The following C11orf65 variants were observed in gnomAD, a reference collection of about 807,000 sequenced individuals.
C11orf65 encodes protein MFI.
Under a neutral mutation model 35.3 loss-of-function variants are expected in C11orf65, and 38 were observed. That is an observed-to-expected ratio of 1.08 (90% CI 0.83 to 1.41). The LOEUF (loss-of-function observed/expected upper bound fraction) is 1.41. C11orf65 is among the 40% of genes most tolerant of loss of function. The pLI, the probability that C11orf65 is intolerant of heterozygous loss-of-function variation, is 0.00. For synonymous variants in C11orf65, 105 were observed against 114.4 expected, an observed-to-expected ratio of 0.92 and a Z score of 0.53; for missense variants, 370 against 367.1, an observed-to-expected ratio of 1.01 and a Z score of -0.06.
intron 6 of C11orf65, among the ~76,000 whole-genome samples, chr11:108,314,395 T>TG (rs1253412128): frequency 3.9e-5 from 6 of 152,148 alleles, no homozygotes; most frequent in Non-Finnish European, 8.8e-5. Flanking sequence ...TGTGAGCCAC[T>TG]GCACCCAGCC....
chr11:108,379,443 A>C (rs1317651176), downstream of C11orf65, among the ~76,000 whole-genome samples: 1 of 132,636 alleles, frequency 7.5e-6, no homozygotes, highest in Non-Finnish European at 1.6e-5. Context: ...ACATGGACAC[A>C]GGAAGGGGAA....
intron 2 of C11orf65, among the ~76,000 whole-genome samples, chr11:108,451,268 A>T (rs1217644525): frequency 6.6e-6 from 1 of 152,000 alleles, no homozygotes; most frequent in African/African-American, 2.4e-5. Context: ...CCATCATCTC[A>T]GCCCAAAATC....
intron 2 of C11orf65, chr11:108,355,947 G>T (rs1181462780): frequency 1.3e-5 from 2 of 152,192 alleles, no homozygotes; most frequent in Non-Finnish European, 1.5e-5. Flanking sequence ...TGGTAATACA[G>T]ATTTTGCTAC....
At position 108,395,492 on chromosome 11, in the gene C11orf65, T is replaced by A. The variant is rs143131635; in HGVS notation, c.561-2114A>T. ...GCCCACCACGCCCAGCTAATTTTTG[T>A]ATTTTTAGTAGAGATGAGGTTTCAC... is the stretch of plus-strand genomic sequence containing the variant. On this transcript the variant is annotated intron_variant, in intron 6 of 8. Coordinates refer to ENST00000393084, the MANE Select transcript of C11orf65 (RefSeq NM_152587.5). 6.8e-3 allele frequency among the ~76,000 whole-genome samples: 1,027 copies of A among 151,692 alleles called. 15 individuals are homozygous for A. The highest frequency in any genetic ancestry group is 0.023 in the African/African-American group (951 of 41,308).
intron 2 of C11orf65, among the ~76,000 whole-genome samples, chr11:108,342,680 TGTTTATA>T (rs1157758916): frequency 6.6e-6 from 1 of 152,236 alleles, no homozygotes; most frequent in African/African-American, 2.4e-5. Flanking sequence ...ACTTTATGTA[TGTTTATA>T]ATATAATTTT....
rs1060501629 is a variant in C11orf65, at chr11:108,319,990, G to T, written c.641-10919C>A. On this transcript the variant is annotated intron_variant, in intron 6 of 6. Transcript: ENST00000525729. Reference sequence around the variant, plus strand: ...AAGGAACCAGTTACCATGAATCATTGTACAATGCTCTACAATCTCTAAGAG... The same window carrying T: ...AAGGAACCAGTTACCATGAATCATTTTACAATGCTCTACAATCTCTAAGAG... 1.2e-6 allele frequency: 2 copies of T among 1,612,800 alleles called. No individual in the cohort carries two copies. Among genetic ancestry groups the T allele is most frequent in the Non-Finnish European group, 1.7e-6 (2 of 1,178,992 alleles).
intron 3 of C11orf65, chr11:108,332,694 T>G (rs2086390858): frequency 6.6e-7 from 1 of 1,525,306 alleles, no homozygotes; most frequent in East Asian, 2.3e-5. Context: ...TCTCTTTGTT[T>G]TTCTAACTCT....
At chr11:108,465,186 C>A (rs1045397642) in intron 1 of C11orf65, among the ~76,000 whole-genome samples, 3 of 152,124 alleles carry the variant, frequency 2.0e-5, no homozygotes, top group African/African-American at 7.2e-5. Flanking sequence ...TCTTAAAAAT[C>A]CCTTGAAAAT....
At chr11:108,362,690 A>G (rs1223984027) in intron 2 of C11orf65, among the ~76,000 whole-genome samples, 2 of 147,484 alleles carry the variant, frequency 1.4e-5, no homozygotes, top group South Asian at 2.2e-4. Context: ...TCAGTAAACT[A>G]TCGCAAGAAC....
intron 6 of C11orf65, among the ~76,000 whole-genome samples, chr11:108,400,400 A>G (rs1591468766): frequency 6.6e-6 from 1 of 152,162 alleles, no homozygotes; most frequent in Non-Finnish European, 1.5e-5. Context: ...ACCACATCCA[A>G]TCAAGGTAAG....
chr11:108,343,459 AAAAC>A lies in C11orf65; in HGVS notation c.227-8171_227-8168del, dbSNP rs1233187205. 1.4e-5 allele frequency: 21 copies of A among 1,515,692 alleles called. No homozygotes were observed. The African/African-American group carries it at 2.7e-4, about 19-fold the overall frequency. The allele number at this position is 1,515,692 out of a possible 1,614,324, so 93.9% of individuals were successfully genotyped here. On this transcript the variant is annotated intron_variant, in intron 2 of 3. Coordinates refer to the C11orf65 transcript ENST00000524755. ...GCTGTCAGATATTATAGAATACAAA[AAAAC>A]TTTAATTTCATCAGGTAATTGTCAA...
intron 3 of C11orf65, among the ~76,000 whole-genome samples, chr11:108,415,769 A>T (rs2092721556): frequency 3.9e-5 from 6 of 152,226 alleles, no homozygotes; most frequent in Admixed American, 3.9e-4. Context: ...ACACAAATAA[A>T]TCAATGCAAC....
chr11:108,412,769 A>G (rs1452870394), intron 3 of C11orf65, among the ~76,000 whole-genome samples: 1 of 152,118 alleles, frequency 6.6e-6, no homozygotes, highest in Non-Finnish European at 1.5e-5. Context: ...AAGAAGAAAG[A>G]TATATGATAC....
intron 2 of C11orf65, among the ~76,000 whole-genome samples, chr11:108,439,798 C>A (rs901388393): frequency 6.6e-5 from 10 of 151,972 alleles, no homozygotes; most frequent in Non-Finnish European, 1.3e-4. Context: ...ATAGAGATAA[C>A]TGGGGTCTGG....
At chr11:108,325,689 C>T in intron 6 of C11orf65, 1 of 798,780 alleles carries the variant, frequency 1.3e-6, no homozygotes, top group African/African-American at 1.7e-5. Context: ...TTAAGAGTTC[C>T]CATTTTGGAA....
intron 7 of C11orf65, among the ~76,000 whole-genome samples, chr11:108,389,515 T>C (rs2092095464): frequency 6.6e-6 from 1 of 152,248 alleles, no homozygotes; most frequent in Non-Finnish European, 1.5e-5. Flanking sequence ...ACTCAGAAGA[T>C]AAACTGATAG....
At chr11:108,316,794 C>T (rs868499686) in intron 6 of C11orf65, among the ~76,000 whole-genome samples, 5 of 145,740 alleles carry the variant, frequency 3.4e-5, no homozygotes, top group East Asian at 2.0e-4. Context: ...GGTGTGGTGG[C>T]GGGTGCCTGT....
At chr11:108,385,353 T>C (rs1456978135) in intron 8 of C11orf65, among the ~76,000 whole-genome samples, 1 of 151,848 alleles carries the variant, frequency 6.6e-6, no homozygotes, top group East Asian at 2.0e-4. Context: ...ATTACAGGTG[T>C]GTGCCACTGT....
rs2084246805 is a variant in C11orf65, at chr11:108,312,449, T to C, written c.641-3378A>G. On this transcript the variant is annotated intron_variant, in intron 6 of 6. Coordinates refer to the C11orf65 transcript ENST00000525729. The stretch of plus-strand genomic sequence containing the variant: ...GAAGAAGGAAGCCAGAGTACAACTA[T>C]TTCTAGCTTGAGTGAAAAAAGTAAA... 1 of 1,596,664 alleles carries C rather than the reference T, an allele frequency of 6.3e-7. No individual in the cohort carries two copies. Among genetic ancestry groups the C allele is most frequent in the Non-Finnish European group, 8.6e-7 (1 of 1,164,408 alleles).
Sources: allele counts gnomAD v4.1 joint callset (sites outside exome capture counted in the v4.1 genomes callset), GRCh38; gene constraint gnomAD v4.1.1; transcripts MANE v1.5; gene names NCBI Gene and HGNC (gene_info 2026-07-23, HGNC 2026-07-21).